SEM1: variants seen among roughly 807,000 people sequenced by gnomAD.
The protein encoded by SEM1 is 26S proteasome complex subunit SEM1.
A neutral mutation model predicts 12.7 loss-of-function variants in SEM1; 3 were observed. The ratio of observed to expected loss-of-function variants is 0.24; its 90% CI spans 0.11 to 0.61. SEM1 has a LOEUF of 0.61. SEM1 is among the 20% of genes least tolerant of loss of function. SEM1 has a pLI of 0.88. For synonymous variants in SEM1, 30 were observed against 27.8 expected (o/e 1.08, Z -0.25); for missense variants, 59 against 81.3 (o/e 0.73, Z 1.06).
chr7:96,709,600 CCCAG>C, intron 1 of SEM1, 84 bp downstream of exon 1: 2 of 1,296,318 alleles, frequency 1.5e-6, no homozygotes, highest in Non-Finnish European at 1.1e-6. Context: ...CGCCGGTGCC[CCCAG>C]CTGGGCCCGA....
At chr7:96,527,758 T>C (rs1584738970) in intron 2 of SEM1, among the ~76,000 whole-genome samples, 1 of 152,152 alleles carries the variant, frequency 6.6e-6, no homozygotes, top group African/African-American at 2.4e-5. Context: ...ATATGCAGAC[T>C]GTTAGCTCTC....
intron 2 of SEM1, among the ~76,000 whole-genome samples, chr7:96,606,607 A>G (rs1437589547): frequency 6.6e-6 from 1 of 152,214 alleles, no homozygotes; most frequent in Non-Finnish European, 1.5e-5. Flanking sequence ...TTTATTTTTC[A>G]GAGATATTTT....
intron 2 of SEM1, among the ~76,000 whole-genome samples, chr7:96,541,917 T>C (rs1804967633): frequency 6.6e-6 from 1 of 150,760 alleles, no homozygotes; most frequent in Middle Eastern, 3.4e-3. Context: ...TTCCGGGTTC[T>C]GTATTCTGTT....
chr7:96,596,541 A>G (rs970062349), intron 2 of SEM1, among the ~76,000 whole-genome samples: 13 of 152,224 alleles, frequency 8.5e-5, no homozygotes, highest in African/African-American at 2.6e-4. Context: ...GAAGTATAGG[A>G]CCAGCCTATT....
At chr7:96,522,891 C>CAAAAAAAA (rs540895823) in intron 2 of SEM1, among the ~76,000 whole-genome samples, 2 of 87,686 alleles carry the variant, frequency 2.3e-5, no homozygotes, top group African/African-American at 4.7e-5. Context: ...AACTCCATCT[C>CAAAAAAAA]AAAAAAAAAA....
At chr7:96,609,972 T>C (rs1468340714) in intron 2 of SEM1, among the ~76,000 whole-genome samples, 1 of 152,240 alleles carries the variant, frequency 6.6e-6, no homozygotes, top group Non-Finnish European at 1.5e-5. Flanking sequence ...TAAAGATGAT[T>C]GGTCCAGATA....
chr7:96,684,613 C>G (rs566171794), downstream of SEM1, among the ~76,000 whole-genome samples: 2 of 152,098 alleles, frequency 1.3e-5, no homozygotes, highest in South Asian at 2.1e-4. Flanking sequence ...ATTGGGAGAA[C>G]AGAAGATTCA....
upstream of SEM1, among the ~76,000 whole-genome samples, chr7:96,498,288 T>C (rs1244135968): frequency 1.3e-5 from 2 of 152,202 alleles, no homozygotes; most frequent in Non-Finnish European, 2.9e-5. Context: ...GAATGAACCT[T>C]ATCTACAGAT....
At chr7:96,585,406 A>G (rs1156524874) in intron 2 of SEM1, among the ~76,000 whole-genome samples, 1 of 152,210 alleles carries the variant, frequency 6.6e-6, no homozygotes, top group Non-Finnish European at 1.5e-5. Flanking sequence ...TGCAGAGGTT[A>G]CTGCTGTCTT....
chr7:96,492,834 C>T (rs1282431493), intron 1 of SEM1, among the ~76,000 whole-genome samples: 1 of 151,390 alleles, frequency 6.6e-6, no homozygotes, highest in Non-Finnish European at 1.5e-5. Flanking sequence ...CTTCAATGGA[C>T]ATTTTGGTTG....
intron 2 of SEM1, among the ~76,000 whole-genome samples, chr7:96,543,173 A>G (rs1465977705): frequency 6.6e-6 from 1 of 151,940 alleles, no homozygotes; most frequent in African/African-American, 2.4e-5. Context: ...ATATTTGCAA[A>G]AACAAATTGT....
intron 2 of SEM1, among the ~76,000 whole-genome samples, chr7:96,567,161 G>A (rs1389493319): frequency 6.6e-6 from 1 of 151,564 alleles, no homozygotes; most frequent in Non-Finnish European, 1.5e-5. Flanking sequence ...AATACAGAGA[G>A]ATTTGCTGCC....
At chr7:96,535,605 C>T (rs1011383977) in intron 2 of SEM1, among the ~76,000 whole-genome samples, 10 of 151,896 alleles carry the variant, frequency 6.6e-5, no homozygotes, top group East Asian at 1.9e-4. Flanking sequence ...TTCTCTGAAT[C>T]TCTCTCTCCT....
intron 2 of SEM1, among the ~76,000 whole-genome samples, chr7:96,572,588 C>T (rs749417619): frequency 2.2e-4 from 34 of 152,134 alleles, no homozygotes; most frequent in Admixed American, 9.8e-4. Context: ...TGTAGTTGTG[C>T]GGTTTTGAGT....
chr7:96,581,473 T>C (rs1479458397), intron 2 of SEM1, among the ~76,000 whole-genome samples: 1 of 152,038 alleles, frequency 6.6e-6, no homozygotes, highest in East Asian at 1.9e-4. Flanking sequence ...TGGTTCCATA[T>C]GAACTTTAAA....
intron 2 of SEM1, among the ~76,000 whole-genome samples, chr7:96,532,550 T>C (rs1008996964): frequency 5.3e-5 from 8 of 152,146 alleles, no homozygotes; most frequent in African/African-American, 1.9e-4. Flanking sequence ...AAATGGTGCA[T>C]GTTCATTGTT....
intron 2 of SEM1, among the ~76,000 whole-genome samples, chr7:96,583,786 G>A (rs1200716567): frequency 1.3e-5 from 2 of 150,432 alleles, no homozygotes; most frequent in Non-Finnish European, 2.9e-5. Flanking sequence ...CCGAGACTAG[G>A]ATTGCAACCC....
chr7:96,511,173 A>G (rs779122313), intron 2 of SEM1, among the ~76,000 whole-genome samples: 57 of 152,264 alleles, frequency 3.7e-4, no homozygotes, highest in South Asian at 1.2e-3. Flanking sequence ...AACAAATAGA[A>G]TCACAGTTTT....
chr7:96,685,410 A>T (rs1269214238), downstream of SEM1, among the ~76,000 whole-genome samples: 1 of 152,076 alleles, frequency 6.6e-6, no homozygotes, highest in East Asian at 1.9e-4. Flanking sequence ...AAAAACTTCT[A>T]CCATGGAGTA....
Sources: gnomAD v4.1 joint callset for allele counts (sites outside exome capture counted in the v4.1 genomes callset) on GRCh38, gnomAD v4.1.1 for gene constraint, MANE v1.5 for transcripts, NCBI Gene and HGNC (gene_info 2026-07-23, HGNC 2026-07-21) for gene names.